SORCS1: variants seen among roughly 807,000 people sequenced by gnomAD.
SORCS1 encodes the protein sortilin related VPS10 domain containing receptor 1.
SORCS1 carries 60 observed loss-of-function variants against 146.1 expected under a neutral mutation model. The ratio of observed to expected loss-of-function variants is 0.41; its 90% CI spans 0.33 to 0.51. The LOEUF is 0.51. SORCS1 is among the 20% of genes least tolerant of loss of function. The pLI, the probability that SORCS1 is intolerant of heterozygous loss-of-function variation, is 0.21. For synonymous variants in SORCS1, 637 were observed against 584.0 expected (o/e 1.09, Z -1.31); for missense variants, 1,352 against 1,487.6 (o/e 0.91, Z 1.50).
At chr10:106,862,412 C>T (rs959922255) in intron 2 of SORCS1, among the ~76,000 whole-genome samples, 4 of 152,100 alleles carry the variant, frequency 2.6e-5, no homozygotes, top group Non-Finnish European at 4.4e-5. Context: ...TTTGTCCCTA[C>T]CCATTACTTT....
At chr10:106,830,653 T>C (rs1484253253) in intron 2 of SORCS1, among the ~76,000 whole-genome samples, 1 of 151,732 alleles carries the variant, frequency 6.6e-6, no homozygotes, top group Non-Finnish European at 1.5e-5. Context: ...ACCAGCACTT[T>C]AGGAAACCAA....
At chr10:106,658,040 C>T (rs1054911526) in intron 17 of SORCS1, among the ~76,000 whole-genome samples, 5 of 152,036 alleles carry the variant, frequency 3.3e-5, no homozygotes, top group Admixed American at 6.6e-5. Context: ...ATAAAAGTGA[C>T]GTTCTTATTG....
At chr10:106,747,666 A>C (rs1005776730) in intron 5 of SORCS1, among the ~76,000 whole-genome samples, 2 of 152,192 alleles carry the variant, frequency 1.3e-5, no homozygotes, top group East Asian at 3.8e-4. Context: ...TTTAACCTTC[A>C]ATTTGAAAAT....
At chr10:106,710,513 G>T (rs1854904018) in intron 6 of SORCS1, among the ~76,000 whole-genome samples, 2 of 151,282 alleles carry the variant, frequency 1.3e-5, no homozygotes, top group South Asian at 2.1e-4. Flanking sequence ...AATTGAATCA[G>T]TTGAGACCCT....
chr10:106,796,892 G>T (rs1182931839), intron 3 of SORCS1, among the ~76,000 whole-genome samples: 1 of 152,172 alleles, frequency 6.6e-6, no homozygotes, highest in Admixed American at 6.5e-5. Flanking sequence ...GATGGATTAC[G>T]AAGTCAGAAG....
At chr10:106,688,949 C>G (rs1373181199) in intron 9 of SORCS1, among the ~76,000 whole-genome samples, 1 of 152,184 alleles carries the variant, frequency 6.6e-6, no homozygotes, top group African/African-American at 2.4e-5. Context: ...TTGAAAGAGG[C>G]AGTTAAAGCT....
chr10:107,064,157 T>C (rs1961513130), intron 1 of SORCS1, among the ~76,000 whole-genome samples: 1 of 152,204 alleles, frequency 6.6e-6, no homozygotes, highest in South Asian at 2.1e-4. Context: ...GTCATTTCTA[T>C]TTTAACATGT....
At chr10:106,745,545 T>C (rs1002351416) in intron 5 of SORCS1, among the ~76,000 whole-genome samples, 4 of 152,202 alleles carry the variant, frequency 2.6e-5, no homozygotes, top group South Asian at 2.1e-4. Flanking sequence ...AATACTATAG[T>C]AGGCAAAACG....
intron 2 of SORCS1, among the ~76,000 whole-genome samples, chr10:106,843,713 G>A (rs1949170714): frequency 6.6e-6 from 1 of 152,158 alleles, no homozygotes. Context: ...GGGATTACAG[G>A]CGTGAGCCAC....
At chr10:106,618,853 A>G (rs1847552976) in intron 20 of SORCS1, among the ~76,000 whole-genome samples, 1 of 152,146 alleles carries the variant, frequency 6.6e-6, no homozygotes, top group African/African-American at 2.4e-5. Context: ...GGAAACAAGC[A>G]CTAATTGGAT....
Position 106,795,173 on chromosome 10 carries a change from G to A in SORCS1, c.727-18481C>T, listed in dbSNP as rs553418902. On this transcript the variant is annotated intron_variant, in intron 3 of 25. Transcript: ENST00000263054. ...TAAATTTGGGGGATACCAGAATGCA[G>A]AAAATAAAACAGGTTCCTTTGGTTT... Among the ~76,000 whole-genome samples the A allele has an allele frequency of 1.6e-4, 24 of 152,272 alleles. No homozygotes were observed. In the South Asian group the frequency reaches 5.0e-3, roughly 32 times the overall value.
intron 3 of SORCS1, among the ~76,000 whole-genome samples, chr10:106,817,072 GC>G (rs766181286): frequency 1.4e-4 from 22 of 152,294 alleles, no homozygotes; most frequent in Non-Finnish European, 2.9e-4. Flanking sequence ...CACTAATAAA[GC>G]AAAAGTGGTG....
chr10:106,730,238 A>G (rs1280464975), intron 5 of SORCS1, 124 bp from the exon 6 acceptor site: 11 of 766,352 alleles, frequency 1.4e-5, no homozygotes, highest in Non-Finnish European at 2.4e-5. Context: ...AATCCTTAGA[A>G]TATATCTACT....
At chr10:107,095,443 C>G (rs963098815) in intron 1 of SORCS1, among the ~76,000 whole-genome samples, 2 of 152,082 alleles carry the variant, frequency 1.3e-5, no homozygotes, top group Admixed American at 6.6e-5. Context: ...TCCCTGAACC[C>G]AAGCAAAGAA....
At chr10:106,929,811 G>A (rs1953303031) in intron 2 of SORCS1, among the ~76,000 whole-genome samples, 1 of 151,976 alleles carries the variant, frequency 6.6e-6, no homozygotes, top group Non-Finnish European at 1.5e-5. Flanking sequence ...ATTAATCAGA[G>A]CACTTGGTTG....
chr10:106,728,884 A>G (rs540362190), intron 6 of SORCS1, among the ~76,000 whole-genome samples: 45 of 152,228 alleles, frequency 3.0e-4, no homozygotes, highest in South Asian at 8.3e-4. Flanking sequence ...GTAATTGTGG[A>G]TAGTCCATTC....
rs550030270 is a variant in SORCS1 at position 106,662,323 on chromosome 10, T to G, written c.2303+5366A>C. ...TTTATAAAGTGAGTTATTTAAGAAC[T>G]TTTTTTTTTTAAAGGAATGATTTCC... On this transcript the variant is annotated intron_variant, in intron 17 of 25. Coordinates refer to ENST00000263054, the MANE Select transcript of SORCS1 (RefSeq NM_052918.5). Among the ~76,000 whole-genome samples the G allele has an allele frequency of 9.2e-5, 13 of 140,796 alleles. No individual in the cohort carries two copies. The East Asian group carries it at 2.6e-3, about 28-fold the overall frequency. The allele number at this position is 140,796 out of a possible 152,430, so 92.4% of individuals were successfully genotyped here.
chr10:106,948,410 C>T (rs1422564808), intron 2 of SORCS1, among the ~76,000 whole-genome samples: 2 of 151,778 alleles, frequency 1.3e-5, no homozygotes, highest in Admixed American at 6.6e-5. Flanking sequence ...GAGTGGCTCA[C>T]GTCTGTAATC....
chr10:106,858,087 C>G (rs1258909551), intron 2 of SORCS1, among the ~76,000 whole-genome samples: 2 of 152,116 alleles, frequency 1.3e-5, no homozygotes, highest in African/African-American at 4.8e-5. Flanking sequence ...GGGGATTAAA[C>G]AGTAGGTTAA....
Sources: gnomAD v4.1 joint callset for allele counts (sites outside exome capture counted in the v4.1 genomes callset) on GRCh38, gnomAD v4.1.1 for gene constraint, MANE v1.5 for transcripts, NCBI Gene and HGNC (gene_info 2026-07-23, HGNC 2026-07-21) for gene names.